Variants in INTS6 observed in about 807,000 individuals in gnomAD.
The protein encoded by INTS6 is integrator complex subunit 6.
In INTS6, 16 loss-of-function variants were observed where a neutral mutation model predicts 104.9. The observed-to-expected ratio is 0.15, with a 90% CI of 0.10 to 0.23. The LOEUF is 0.23. Ranked by LOEUF, INTS6 falls within the 10% of genes least tolerant of loss-of-function variation. The pLI is 1.00. For synonymous variants in INTS6, 324 were observed against 358.7 expected, an observed-to-expected ratio of 0.90 and a Z score of 1.09; for missense variants, 584 against 1,062.8, an observed-to-expected ratio of 0.55 and a Z score of 6.26.
In INTS6 at chr13:51,452,355, C is replaced by T; in HGVS notation, c.111+60G>A. 2 of 1,419,968 alleles carry T rather than the reference C, an allele frequency of 1.4e-6. No homozygotes were observed. Among genetic ancestry groups the T allele is most frequent in the Non-Finnish European group, 1.9e-6 (2 of 1,080,078 alleles). 88.0% of individuals were successfully genotyped at this position (1,419,968 alleles called of 1,614,324 possible). On this transcript the variant is annotated intron_variant, in intron 1 of 17. Transcript: ENST00000311234. The surrounding 1 kb of genome is among the most constrained non-coding windows in gnomAD (Gnocchi z 4.2). ...CACCCCCGCCCCGGCCGCCCTCCCC[C>T]ACCCTGCCGCCCGCGGGCCGCCGGG...
chr13:51,378,196 T>C lies in INTS6; in HGVS notation c.1602+43A>G. On this transcript the variant is annotated intron_variant, in intron 12 of 17. Coordinates refer to ENST00000311234, the MANE Select transcript of INTS6 (RefSeq NM_012141.3). ...AGAAAATGTGATTTATCCAGTAACA[T>C]AACAGAACATAACTAGAGTAGCACT... 3.6e-6 allele frequency: 5 copies of C among 1,383,242 alleles called. No homozygotes were observed. The South Asian group carries it at 4.6e-5, about 13-fold the overall frequency. 85.7% of individuals were successfully genotyped at this position (1,383,242 alleles called of 1,614,324 possible). A position where few individuals can be genotyped will look rare whatever the true frequency, so the allele number is the denominator to read the frequency against.
At chr13:51,335,668 T>C in the INTS6 span, 1 of 152,320 alleles carries the variant, frequency 6.6e-6, no homozygotes, top group Non-Finnish European at 1.5e-5. Flanking sequence ...CTGTTTGCGC[T>C]GGCGAGGAGT....
At chr13:51,344,258 G>A in the INTS6 span, 1 of 1,613,480 alleles carries the variant, frequency 6.2e-7, no homozygotes, top group Non-Finnish European at 8.5e-7. Flanking sequence ...ACAGACAAAA[G>A]GGTGAAAGAT....
At chr13:51,420,889 C>T (rs943190323) in intron 4 of INTS6, among the ~76,000 whole-genome samples, 3 of 152,120 alleles carry the variant, frequency 2.0e-5, no homozygotes, top group Non-Finnish European at 4.4e-5. Context: ...TGAAGAGCCC[C>T]AGGAAATACC....
intron 6 of INTS6, among the ~76,000 whole-genome samples, chr13:51,388,349 A>C (rs1258308090): frequency 6.7e-6 from 1 of 150,212 alleles, no homozygotes; most frequent in African/African-American, 2.4e-5. Flanking sequence ...TGATTCTCTA[A>C]ATCTTTGTGT....
chr13:51,415,832 G>A (rs1956778078), intron 4 of INTS6, among the ~76,000 whole-genome samples: 1 of 152,064 alleles, frequency 6.6e-6, no homozygotes, highest in Non-Finnish European at 1.5e-5. Flanking sequence ...ATAAAGCCAC[G>A]GGAATGAAAT....
intron 3 of INTS6, among the ~76,000 whole-genome samples, chr13:51,430,933 A>G (rs1436934348): frequency 6.6e-6 from 1 of 152,262 alleles, no homozygotes; most frequent in African/African-American, 2.4e-5. Flanking sequence ...ATTTAACAAC[A>G]GTACAAGATG....
chr13:51,452,573 A>T lies in INTS6; in HGVS notation c.-48T>A, dbSNP rs535285775. On this transcript the variant is annotated 5_prime_UTR_variant, in exon 1 of 18. Transcript: ENST00000311234. This position sits in a 1 kb window ranked among gnomAD's most constrained non-coding sequence, Gnocchi z 4.2. ...GCCCGAGGTGGTGGAGAAAGAGGAG[A>T]TGGTAGAGGTGGAGGCGCCGGTGGC... 1 of 1,592,486 alleles carries T rather than the reference A, an allele frequency of 6.3e-7. No homozygotes were observed. The highest frequency in any genetic ancestry group is 1.1e-5 in the South Asian group (1 of 90,394).
rs1955669508 is a variant in INTS6 at position 51,365,608 on chromosome 13, T to C, written c.*144A>G. 4.5e-6 allele frequency: 2 copies of C among 447,400 alleles called. No individual in the cohort carries two copies. Among genetic ancestry groups the C allele is most frequent in the Non-Finnish European group, 8.2e-6 (2 of 244,904 alleles). 27.7% of individuals were successfully genotyped at this position (447,400 alleles called of 1,614,324 possible). A position where few individuals can be genotyped will look rare whatever the true frequency, so the allele number is the denominator to read the frequency against. Reference sequence around the variant, plus strand: ...TGAAGAAAAGGTCACTGTAAAATGATGGAAAAAGGATCTGTAGATTTGCTT... The same window carrying C: ...TGAAGAAAAGGTCACTGTAAAATGACGGAAAAAGGATCTGTAGATTTGCTT... On this transcript the variant is annotated 3_prime_UTR_variant, in exon 18 of 18. Coordinates refer to ENST00000311234, the MANE Select transcript of INTS6 (RefSeq NM_012141.3).
chr13:51,347,290 CA>C, the INTS6 span: 1 of 1,494,346 alleles, frequency 6.7e-7, no homozygotes, highest in Non-Finnish European at 9.3e-7. Context: ...GGCCTGAGGG[CA>C]GGAGAGAGGA....
At chr13:51,416,853 A>G (rs2138054164) in intron 4 of INTS6, among the ~76,000 whole-genome samples, 1 of 152,342 alleles carries the variant, frequency 6.6e-6, no homozygotes, top group Non-Finnish European at 1.5e-5. Context: ...CAAAGTATGA[A>G]GGTTACAGTT....
At chr13:51,408,460 T>A (rs1256947804) in intron 4 of INTS6, among the ~76,000 whole-genome samples, 1 of 152,166 alleles carries the variant, frequency 6.6e-6, no homozygotes, top group Non-Finnish European at 1.5e-5. Context: ...GTTTTATTAA[T>A]AAGTCAGAAA....
At chr13:51,393,367 C>T (rs1377304895) in intron 5 of INTS6, among the ~76,000 whole-genome samples, 3 of 152,140 alleles carry the variant, frequency 2.0e-5, no homozygotes, top group Non-Finnish European at 4.4e-5. Flanking sequence ...CATGAGCCAC[C>T]GCGCCCGGCC....
chr13:51,388,964 TAGGAC>T (rs1956195636), intron 6 of INTS6, among the ~76,000 whole-genome samples: 1 of 152,198 alleles, frequency 6.6e-6, no homozygotes, highest in Non-Finnish European at 1.5e-5. Flanking sequence ...GTTAAACATC[TAGGAC>T]TGAACACTTT....
In INTS6 at chr13:51,375,766, T is replaced by TGTGTGC. The variant is rs1003965942; in HGVS notation, c.1729+281_1729+282insGCACAC. 6.2e-3 allele frequency among the ~76,000 whole-genome samples: 906 copies of TGTGTGC among 147,292 alleles called. 7 individuals carry two copies. Among genetic ancestry groups the TGTGTGC allele is most frequent in the African/African-American group, 0.021 (853 of 39,936 alleles). ...GTGTGTGTGTGTGTGTGTGTGTGTG[T>TGTGTGC]GCGCGCGCGTGCGCGCATGAATGCA... On this transcript the variant is annotated intron_variant, in intron 13 of 17. Transcript: ENST00000311234.
In INTS6 at chr13:51,365,494, A is replaced by T. The variant is rs530624792; in HGVS notation, c.*258T>A. On this transcript the variant is annotated 3_prime_UTR_variant, in exon 18 of 18. Transcript: ENST00000311234. ...AATTGACACGCAAGAGTCAATGACA[A>T]GCAAGAGATTTGGAGGAATATTTTT... The T allele has an allele frequency of 4.8e-5, 10 of 207,050 alleles. No individual in the cohort carries two copies. The South Asian group carries it at 1.5e-3, about 31-fold the overall frequency. 12.8% of individuals were successfully genotyped at this position (207,050 alleles called of 1,614,324 possible). A position where few individuals can be genotyped will look rare whatever the true frequency, so the allele number is the denominator to read the frequency against.
At chr13:51,428,316 CTTTT>C (rs927843705) in intron 4 of INTS6, among the ~76,000 whole-genome samples, 4 of 147,488 alleles carry the variant, frequency 2.7e-5, no homozygotes, top group African/African-American at 7.5e-5. Context: ...TTTAAAATGA[CTTTT>C]TTTTTCTTTT....
At chr13:51,384,536 C>A in intron 7 of INTS6, 1 of 433,580 alleles carries the variant, frequency 2.3e-6, no homozygotes, top group Non-Finnish European at 4.6e-6. Flanking sequence ...GCTCCTATTT[C>A]TCTGCTGTAT....
At chr13:51,451,797 G>A (rs1953058356) in intron 2 of INTS6, among the ~76,000 whole-genome samples, 181 bp downstream of exon 2, 2 of 150,228 alleles carry the variant, frequency 1.3e-5, no homozygotes, top group South Asian at 2.1e-4. Context: ...ACTCCGCGCC[G>A]CGCTAGGACG....
Sources: gnomAD v4.1 joint callset for allele counts (sites outside exome capture counted in the v4.1 genomes callset) on GRCh38, gnomAD v4.1.1 for gene constraint, Gnocchi (gnomAD v3.1) non-coding constraint, MANE v1.5 for transcripts, NCBI Gene and HGNC (gene_info 2026-07-23, HGNC 2026-07-21) for gene names.